Variants in MGST2 observed in about 807,000 individuals in gnomAD.
The protein encoded by MGST2 is microsomal glutathione S-transferase 2.
Under a neutral mutation model 16.6 loss-of-function variants are expected in MGST2, and 9 were observed. The ratio of observed to expected loss-of-function variants is 0.54; its 90% CI spans 0.33 to 0.95. The LOEUF (loss-of-function observed/expected upper bound fraction) is 0.95, where lower values mean the gene tolerates loss of function less well. Ranked by LOEUF, MGST2 falls within the 40% of genes least tolerant of loss-of-function variation. The pLI, the probability that MGST2 is intolerant of heterozygous loss-of-function variation, is 0.03. For missense variants in MGST2, 159 were observed against 175.1 expected, an observed-to-expected ratio of 0.91 and a Z score of 0.52; for synonymous variants, 79 against 68.0, an observed-to-expected ratio of 1.16 and a Z score of -0.79.
At chr4:139,728,497 A>T (rs997361491) in intron 5 of MGST2, among the ~76,000 whole-genome samples, 19 of 152,212 alleles carry the variant, frequency 1.2e-4, no homozygotes, top group African/African-American at 4.3e-4. Context: ...AATTATTAAA[A>T]CCTAATCTGG....
intron 2 of MGST2, among the ~76,000 whole-genome samples, chr4:139,691,875 T>A (rs1340466733): frequency 3.3e-5 from 5 of 152,094 alleles, no homozygotes; most frequent in Admixed American, 3.3e-4. Flanking sequence ...ATTTTTTATA[T>A]TTTTTAAGTA....
chr4:139,711,073 G>C (rs889504910), intron 5 of MGST2, among the ~76,000 whole-genome samples: 9 of 151,618 alleles, frequency 5.9e-5, no homozygotes, highest in African/African-American at 2.2e-4. Flanking sequence ...GAGTGCAGTG[G>C]CGTGATCACA....
chr4:139,711,742 T>A (rs1429928306), intron 5 of MGST2, among the ~76,000 whole-genome samples: 1 of 152,234 alleles, frequency 6.6e-6, no homozygotes, highest in Admixed American at 6.5e-5. Flanking sequence ...GCCCAGTAGG[T>A]TTCAGCCTCA....
At chr4:139,704,864 G>C (rs1727458995), downstream of MGST2, among the ~76,000 whole-genome samples, 1 of 152,168 alleles carries the variant, frequency 6.6e-6, no homozygotes. Context: ...GGAGCTTGCA[G>C]TGAGCCAAGA....
intron 5 of MGST2, chr4:139,719,166 T>C: frequency 1.3e-6 from 1 of 777,974 alleles, no homozygotes; most frequent in Non-Finnish European, 2.0e-6. Flanking sequence ...GGTGGGGCTG[T>C]GGATTGGCAC....
At chr4:139,718,216 T>A (rs1408753061) in intron 5 of MGST2, 1 of 152,210 alleles carries the variant, frequency 6.6e-6, no homozygotes, top group Admixed American at 6.5e-5. Flanking sequence ...AGAGCAGCCC[T>A]CTTGGTTCCA....
chr4:139,684,290 C>T (rs1324458086), intron 2 of MGST2, among the ~76,000 whole-genome samples: 9 of 152,106 alleles, frequency 5.9e-5, no homozygotes, highest in Admixed American at 5.9e-4. Flanking sequence ...AGACTTGCCT[C>T]CATGATTCAA....
intron 5 of MGST2, chr4:139,720,318 G>A (rs1422602644): frequency 1.3e-6 from 2 of 1,527,466 alleles, no homozygotes; most frequent in East Asian, 2.3e-5. Context: ...ATATCCTGGG[G>A]AGAACCTGCA....
At chr4:139,698,346 C>A (rs1249467477) in intron 3 of MGST2, 1 of 1,593,324 alleles carries the variant, frequency 6.3e-7, no homozygotes, top group East Asian at 2.2e-5. Context: ...TCGCACCAGA[C>A]GCTGGAAGGG....
chr4:139,696,998 G>A (rs1726961705), intron 3 of MGST2, among the ~76,000 whole-genome samples: 1 of 152,066 alleles, frequency 6.6e-6, no homozygotes, highest in African/African-American at 2.4e-5. Context: ...GGTGGTCAGG[G>A]ACAGTGTCCA....
intron 2 of MGST2, among the ~76,000 whole-genome samples, chr4:139,684,084 C>T (rs933927778): frequency 1.3e-5 from 2 of 152,040 alleles, no homozygotes; most frequent in Admixed American, 1.3e-4. Flanking sequence ...GCCACCATGC[C>T]TAGCTAATTT....
At chr4:139,717,610 C>G (rs1458231713) in intron 5 of MGST2, 2 of 152,678 alleles carry the variant, frequency 1.3e-5, no homozygotes, top group Non-Finnish European at 2.9e-5. Flanking sequence ...CCTGCCGCCT[C>G]CTCTCCAAAA....
chr4:139,694,164 A>G (rs1170453156), intron 2 of MGST2, among the ~76,000 whole-genome samples: 1 of 151,664 alleles, frequency 6.6e-6, no homozygotes, highest in Non-Finnish European at 1.5e-5. Context: ...TGAGGGAAGA[A>G]TTACGCTTTG....
At chr4:139,749,032 C>T in the MGST2 span, among the ~76,000 whole-genome samples, 3 of 152,208 alleles carry the variant, frequency 2.0e-5, no homozygotes, top group African/African-American at 4.8e-5. Context: ...TCTGGCCCCC[C>T]ACAAACTGCC....
downstream of MGST2, chr4:139,705,471 T>C (rs1170854668): frequency 1.3e-5 from 2 of 152,170 alleles, no homozygotes; most frequent in East Asian, 1.9e-4. Flanking sequence ...CTGTGCAGAC[T>C]CCAGTTAGCC....
At chr4:139,747,239 G>C in the MGST2 span, among the ~76,000 whole-genome samples, 1 of 152,194 alleles carries the variant, frequency 6.6e-6, no homozygotes, top group Non-Finnish European at 1.5e-5. Context: ...CACTGAGGAA[G>C]GAAATGTAAC....
rs1351046061 is a variant in MGST2 at position 139,701,641 on chromosome 4, C to T, written c.230-1814C>T. 2.6e-5 allele frequency among the ~76,000 whole-genome samples: 4 copies of T among 152,044 alleles called. No individual in the cohort carries two copies. In the East Asian group the frequency reaches 7.7e-4, roughly 29 times the overall value. The stretch of plus-strand genomic sequence containing the variant: ...GAGCTTGTATCTTTTTCACTGCCGA[C>T]CTCAATCCTTAAAGTAATACCTGGT... On this transcript the variant is annotated intron_variant, in intron 3 of 4. Transcript: ENST00000265498.
intron 1 of MGST2, among the ~76,000 whole-genome samples, chr4:139,669,998 G>A (rs139059746): frequency 6.2e-4 from 95 of 152,296 alleles, no homozygotes; most frequent in African/African-American, 2.0e-3. Flanking sequence ...TCGTCCAGGT[G>A]TGTGCATTCC....
chr4:139,704,385 A>C (rs531538545), downstream of MGST2: 2 of 522,562 alleles, frequency 3.8e-6, no homozygotes, highest in Non-Finnish European at 6.8e-6. Flanking sequence ...TGCTGAAGTC[A>C]TGACCGGTTG....
Sources: allele counts gnomAD v4.1 joint callset (sites outside exome capture counted in the v4.1 genomes callset), GRCh38; gene constraint gnomAD v4.1.1; transcripts MANE v1.5; gene names NCBI Gene and HGNC (gene_info 2026-07-23, HGNC 2026-07-21).